ABITRAM: variants seen among roughly 807,000 people sequenced by gnomAD.
ABITRAM encodes protein Abitram.
Under a neutral mutation model 22.9 loss-of-function variants are expected in ABITRAM, and 19 were observed. That is an observed-to-expected ratio of 0.83 (90% CI 0.58 to 1.22). The LOEUF (loss-of-function observed/expected upper bound fraction) is 1.22, where lower values mean the gene tolerates loss of function less well. Ranked by LOEUF, ABITRAM falls within the 50% of genes most tolerant of loss-of-function variation. The probability of loss-of-function intolerance (pLI) is 0.00; values close to 1 mark genes in which losing one functional copy is unlikely to be tolerated. For synonymous variants in ABITRAM, 70 were observed against 73.9 expected, an observed-to-expected ratio of 0.95 and a Z score of 0.27; for missense variants, 215 against 220.2, an observed-to-expected ratio of 0.98 and a Z score of 0.15.
chr9:108,950,401 C>G, intron 3 of ABITRAM: 1 of 1,213,908 alleles, frequency 8.2e-7, no homozygotes, highest in Non-Finnish European at 1.1e-6. Flanking sequence ...AGGAAACCAC[C>G]AAAGGAATGG....
chr9:108,939,804 G>A lies in ABITRAM; in HGVS notation c.*118G>A, dbSNP rs1830235161. The A allele has an allele frequency of 8.4e-7, 1 of 1,192,650 alleles. No individual in the cohort carries two copies. 73.9% of individuals were successfully genotyped at this position (1,192,650 alleles called of 1,614,324 possible). A position where few individuals can be genotyped will look rare whatever the true frequency, so the allele number is the denominator to read the frequency against. On this transcript the variant is annotated 3_prime_UTR_variant, in exon 6 of 6. Transcript: ENST00000322940. The stretch of plus-strand genomic sequence containing the variant: ...ATACCTAACAGCCAGCCATATGCAG[G>A]GGAGGCCTAGTGCTTCACTTAGTTT...
At chr9:108,943,248 T>C (rs1459303195), downstream of ABITRAM, among the ~76,000 whole-genome samples, 1 of 152,186 alleles carries the variant, frequency 6.6e-6, no homozygotes, top group Non-Finnish European at 1.5e-5. Context: ...GTCTATCTCA[T>C]GGAACCCCAG....
At chr9:108,934,929 T>A (rs541811020) in intron 1 of ABITRAM, among the ~76,000 whole-genome samples, 3 of 152,232 alleles carry the variant, frequency 2.0e-5, no homozygotes, top group African/African-American at 7.2e-5. Flanking sequence ...ATACATAAAA[T>A]TATTTAAATG....
In ABITRAM at chr9:108,940,642, T is replaced by C. The variant is rs1830244430; in HGVS notation, c.*956T>C. The C allele has an allele frequency of 6.6e-6, 1 of 152,158 alleles. No homozygotes were observed. The highest frequency in any genetic ancestry group is 2.4e-5 in the African/African-American group (1 of 41,434). The allele number at this position is 152,158 out of a possible 1,614,324, so 9.4% of individuals were successfully genotyped here. A position where few individuals can be genotyped will look rare whatever the true frequency, so the allele number is the denominator to read the frequency against. ...AAAATACAAAGGCTTTCCTAGGAAA[T>C]GTGTTATAATGCAGCGGGAAGCTAA... On this transcript the variant is annotated 3_prime_UTR_variant, in exon 6 of 6. Coordinates refer to ENST00000322940, the MANE Select transcript of ABITRAM (RefSeq NM_017832.4).
chr9:108,938,647 A>T (rs1350629289), intron 3 of ABITRAM, among the ~76,000 whole-genome samples: 2 of 147,426 alleles, frequency 1.4e-5, no homozygotes, highest in African/African-American at 5.0e-5. Flanking sequence ...TGTTTTTCTT[A>T]ACTAGAAAAA....
downstream of ABITRAM, among the ~76,000 whole-genome samples, chr9:108,945,662 A>G (rs1830383089): frequency 1.3e-5 from 2 of 148,726 alleles, no homozygotes; most frequent in African/African-American, 2.5e-5. Flanking sequence ...TTTTGTAGAG[A>G]CAAGGTCTCA....
intron 1 of ABITRAM, among the ~76,000 whole-genome samples, chr9:108,935,025 A>T (rs932767805): frequency 1.3e-5 from 2 of 152,228 alleles, no homozygotes; most frequent in Non-Finnish European, 2.9e-5. Flanking sequence ...AGAAGAATCT[A>T]TACATTTACC....
intron 3 of ABITRAM, chr9:108,948,284 A>T (rs1258187865): frequency 6.4e-7 from 1 of 1,551,312 alleles, no homozygotes; most frequent in African/African-American, 1.4e-5. Context: ...ATTACCTGAA[A>T]ATTGACTTTA....
At chr9:108,943,574 T>C (rs947919963), downstream of ABITRAM, 1 of 707,346 alleles carries the variant, frequency 1.4e-6, no homozygotes, top group Non-Finnish European at 2.3e-6. Flanking sequence ...AATAAATGAT[T>C]CTTGTAGACA....
Position 108,936,812 on chromosome 9 carries a change from T to C in ABITRAM, c.261+375T>C, listed in dbSNP as rs193176243. Among the ~76,000 whole-genome samples, 248 of 151,800 alleles carry C rather than the reference T, an allele frequency of 1.6e-3. 1 individual carries two copies. Among genetic ancestry groups the C allele is most frequent in the African/African-American group, 5.7e-3 (234 of 41,364 alleles). On this transcript the variant is annotated intron_variant, in intron 3 of 5. Transcript: ENST00000322940. Reference sequence around the variant, plus strand: ...AGGTGACTAACTCTTCTTTACCATATATTTCCACATGTAAATTAAACAGAA... The same window carrying C: ...AGGTGACTAACTCTTCTTTACCATACATTTCCACATGTAAATTAAACAGAA...
At chr9:108,939,109 T>A (rs1301466831) in intron 3 of ABITRAM, 87 bp from the exon 4 acceptor site, 1 of 1,046,338 alleles carries the variant, frequency 9.6e-7, no homozygotes, top group African/African-American at 1.6e-5. Flanking sequence ...GTTCCAGGAA[T>A]ACATCCTGTT....
intron 3 of ABITRAM, among the ~76,000 whole-genome samples, chr9:108,937,628 G>A (rs957520339): frequency 6.6e-5 from 10 of 152,150 alleles, no homozygotes; most frequent in Admixed American, 5.2e-4. Context: ...TCTCTTAAAC[G>A]ATAGTCTACA....
Position 108,940,492 on chromosome 9 carries a change from C to T in ABITRAM, c.*806C>T, listed in dbSNP as rs1466760744. ...TCCCTTTTAGGTTGTAGGGAAGAGG[C>T]CGGAGTGTAGAGTATATTATATCTT... On this transcript the variant is annotated 3_prime_UTR_variant, in exon 6 of 6. Transcript: ENST00000322940. 2 of 152,152 alleles carry T rather than the reference C, an allele frequency of 1.3e-5. No individual in the cohort carries two copies. The highest frequency in any genetic ancestry group is 4.8e-5 in the African/African-American group (2 of 41,428). The allele number at this position is 152,152 out of a possible 1,614,324, so 9.4% of individuals were successfully genotyped here. A position where few individuals can be genotyped will look rare whatever the true frequency, so the allele number is the denominator to read the frequency against.
chr9:108,943,565 A>G, downstream of ABITRAM: 1 of 692,948 alleles, frequency 1.4e-6, no homozygotes, highest in South Asian at 2.1e-5. Flanking sequence ...AGAGTAGATA[A>G]TAAATGATTC....
downstream of ABITRAM, among the ~76,000 whole-genome samples, chr9:108,942,222 G>C (rs554922647): frequency 6.6e-6 from 1 of 152,308 alleles, no homozygotes; most frequent in South Asian, 2.1e-4. Context: ...CAGCACAGCA[G>C]ACCCACCCTT....
chr9:108,946,434 G>A (rs950933408), intron 3 of ABITRAM, among the ~76,000 whole-genome samples: 1 of 151,836 alleles, frequency 6.6e-6, no homozygotes, highest in African/African-American at 2.4e-5. Context: ...CCTGCACCTC[G>A]GGGCTTTGCA....
chr9:108,942,805 T>C, downstream of ABITRAM: 1 of 1,613,602 alleles, frequency 6.2e-7, no homozygotes, highest in Non-Finnish European at 8.5e-7. Flanking sequence ...TATTTGTAAC[T>C]GAGACCCATC....
chr9:108,942,658 ATTG>A (rs2132071063), downstream of ABITRAM: 7 of 790,734 alleles, frequency 8.9e-6, no homozygotes, highest in Admixed American at 2.6e-5. Flanking sequence ...AAATTTCAAT[ATTG>A]TTTTCTTTAT....
chr9:108,944,572 A>G (rs1402886769), downstream of ABITRAM, among the ~76,000 whole-genome samples: 1 of 152,206 alleles, frequency 6.6e-6, no homozygotes, highest in Non-Finnish European at 1.5e-5. Flanking sequence ...TAATGAGATG[A>G]ACAGGATGAT....
Sources: gnomAD v4.1 joint callset for allele counts (sites outside exome capture counted in the v4.1 genomes callset) on GRCh38, gnomAD v4.1.1 for gene constraint, MANE v1.5 for transcripts, NCBI Gene and HGNC (gene_info 2026-07-23, HGNC 2026-07-21) for gene names.